ZZEF1: variants seen among roughly 807,000 people sequenced by gnomAD.
ZZEF1 encodes the protein zinc finger ZZ-type and EF-hand domain containing 1.
A neutral mutation model predicts 342.8 loss-of-function variants in ZZEF1; 157 were observed. The observed-to-expected ratio is 0.46, with a 90% CI of 0.40 to 0.52. The LOEUF (loss-of-function observed/expected upper bound fraction) is 0.52, where lower values mean the gene tolerates loss of function less well. Among genes scored for constraint, ZZEF1 ranks in the 20% least tolerant of loss-of-function variants. The pLI is 0.00. For synonymous variants in ZZEF1, 1,505 were observed against 1,429.1 expected, an observed-to-expected ratio of 1.05 and a Z score of -1.20; for missense variants, 3,480 against 3,725.6, an observed-to-expected ratio of 0.93 and a Z score of 1.72.
intron 33 of ZZEF1, among the ~76,000 whole-genome samples, 175 bp downstream of exon 33, chr17:4,056,041 C>T (rs1423076312): frequency 6.6e-6 from 1 of 152,234 alleles, no homozygotes; most frequent in Non-Finnish European, 1.5e-5. Flanking sequence ...CCTCGCTTGC[C>T]TGCTGCTCAC....
In ZZEF1 at chr17:4,014,355, T is replaced by C. The variant is rs751170773; in HGVS notation, c.8306A>G (p.Glu2769Gly). The C allele has an allele frequency of 6.2e-7, 1 of 1,614,180 alleles. No individual in the cohort carries two copies. The highest frequency in any genetic ancestry group is 1.7e-5 in the Admixed American group (1 of 60,004). The change falls in exon 50 of 55, where the codon GAA (glutamate) becomes GGA (glycine). Residue 2769 changes from glutamate to glycine, a missense_variant. Transcript: ENST00000381638. This position sits in a 1 kb window ranked among gnomAD's most constrained non-coding sequence, Gnocchi z 4.4. ...AGTATTTGTTTCACTACCTGGAAGT[T>C]CAAAATCTTTCCACTTCTGCTGAGA... ...SGSQQKWKDFELPGDTLYYRF... is the reference protein window; with the variant it reads ...SGSQQKWKDFGLPGDTLYYRF...
chr17:4,043,834 T>TCACTGTCAACACCCAC (rs1205853502), intron 38 of ZZEF1, among the ~76,000 whole-genome samples: 5 of 152,156 alleles, frequency 3.3e-5, no homozygotes, highest in Non-Finnish European at 7.4e-5. Flanking sequence ...GAGACACCAA[T>TCACTGTCAACACCCAC]CACTGTCAAC....
chr17:4,035,289 G>A (rs920554444), intron 39 of ZZEF1, among the ~76,000 whole-genome samples: 1 of 152,132 alleles, frequency 6.6e-6, no homozygotes, highest in Non-Finnish European at 1.5e-5. Flanking sequence ...TGACTCAAGA[G>A]GGCACTATAT....
At chr17:4,013,647 C>T (rs766527395) in intron 51 of ZZEF1, 33 bp from the exon 52 acceptor site, 4 of 1,583,914 alleles carry the variant, frequency 2.5e-6, no homozygotes, top group Middle Eastern at 3.4e-4. Context: ...GATATATAAA[C>T]AGAGATACGT....
chr17:4,088,957 G>T (rs928643146), intron 12 of ZZEF1, 64 bp from the exon 13 acceptor site: 6 of 1,512,930 alleles, frequency 4.0e-6, no homozygotes, highest in Non-Finnish European at 5.4e-6. Flanking sequence ...ATTAAAGAGG[G>T]AAAAAGGCCT....
chr17:4,024,194 T>TTTTTTG lies in ZZEF1; in HGVS notation c.7092+724_7092+725insCAAAAA, dbSNP rs1555578417. Among the ~76,000 whole-genome samples the TTTTTTG allele has an allele frequency of 9.6e-4, 126 of 131,274 alleles. 1 individual carries two copies. The highest frequency in any genetic ancestry group is 4.0e-3 in the African/African-American group (122 of 30,404). 86.1% of individuals were successfully genotyped at this position (131,274 alleles called of 152,430 possible). A position where few individuals can be genotyped will look rare whatever the true frequency, so the allele number is the denominator to read the frequency against. ...TGCCAAATATTGCCCAGGTTTTTTT[T>TTTTTTG]TTTTTTTTTTTTTTTTTTTTACAGA... On this transcript the variant is annotated intron_variant, in intron 43 of 54. Transcript: ENST00000381638.
chr17:4,022,807 G>A lies in ZZEF1; in HGVS notation c.7114C>T (p.Arg2372Cys), dbSNP rs149535137. The change falls in exon 44 of 55, where the codon CGT becomes TGT. Residue 2372 changes from arginine to cysteine, a missense_variant. Transcript: ENST00000381638. ...TLKAHGFEEI[R>C]ATFLQTDLLK... ...AAATCGGTCTGAAGGAAAGTAGCAC[G>A]GATCTCCTCAAAACCGTGAGCCTGC... 25 of 1,613,634 alleles carry A rather than the reference G, an allele frequency of 1.5e-5. No individual in the cohort carries two copies. The highest frequency in any genetic ancestry group is 1.1e-4 in the African/African-American group (8 of 74,786).
intron 39 of ZZEF1, among the ~76,000 whole-genome samples, chr17:4,035,335 A>T (rs1462844417): frequency 5.3e-5 from 8 of 152,242 alleles, no homozygotes; most frequent in Non-Finnish European, 1.0e-4. Context: ...AAGAACAAAA[A>T]GTTCTTGGAA....
At chr17:4,041,812 C>T (rs1313285545) in intron 39 of ZZEF1, among the ~76,000 whole-genome samples, 1 of 151,468 alleles carries the variant, frequency 6.6e-6, no homozygotes, top group Non-Finnish European at 1.5e-5. Context: ...TAAAAAAAGG[C>T]AAGGGAAGCA....
Position 4,050,911 on chromosome 17 carries a change from G to A in ZZEF1, c.5733C>T (p.Ala1911=), listed in dbSNP as rs1275542944. The A allele has an allele frequency of 6.2e-7, 1 of 1,614,208 alleles. No individual in the cohort carries two copies. ...LLFAALALYS[A]HLASAEDVDG... is the part of the protein sequence containing the mutation. ...CCACATCCTCTGCACTGGCCAGGTGGGCGCTATAGAGAGCCAGGGCAGCAA... is the reference window on the plus strand; with the variant it reads ...CCACATCCTCTGCACTGGCCAGGTGAGCGCTATAGAGAGCCAGGGCAGCAA... The change falls in exon 36 of 55, where the codon GCC becomes GCT. Residue 1911 remains alanine (A), a synonymous_variant. Coordinates refer to ENST00000381638, the MANE Select transcript of ZZEF1 (RefSeq NM_015113.4).
In ZZEF1 at chr17:4,116,956, C is replaced by A. The variant is rs375117810; in HGVS notation, c.694+16G>T. ...ATGATCAGAGTATTTTCAGGAGAAC[C>A]CCCACACACACATACCCTTTTCCTT... On this transcript the variant is annotated intron_variant, in intron 3 of 54. Transcript: ENST00000381638. 3 of 1,557,110 alleles carry A rather than the reference C, an allele frequency of 1.9e-6. No homozygotes were observed. Among genetic ancestry groups the A allele is most frequent in the East Asian group, 2.3e-5 (1 of 42,572 alleles).
intron 1 of ZZEF1, among the ~76,000 whole-genome samples, chr17:4,142,243 C>A (rs564643654): frequency 3.4e-4 from 21 of 62,610 alleles, no homozygotes; most frequent in African/African-American, 5.7e-4. Context: ...CCAAACTGTT[C>A]GAGAATCTGA....
intron 38 of ZZEF1, 133 bp downstream of exon 38, chr17:4,044,091 C>T (rs2145123417): frequency 1.1e-6 from 1 of 894,506 alleles, no homozygotes; most frequent in East Asian, 2.5e-5. Flanking sequence ...TCAGCACCAT[C>T]TGAACAGAAC....
At chr17:4,114,647 C>T (rs2058365517) in intron 3 of ZZEF1, among the ~76,000 whole-genome samples, 177 bp from the exon 4 acceptor site, 1 of 152,178 alleles carries the variant, frequency 6.6e-6, no homozygotes, top group South Asian at 2.1e-4. Context: ...TGGGTTTTCA[C>T]GCACATGTGT....
chr17:4,011,567 G>A (rs1020339162), intron 52 of ZZEF1, among the ~76,000 whole-genome samples: 1 of 151,762 alleles, frequency 6.6e-6, no homozygotes, highest in Non-Finnish European at 1.5e-5. Context: ...GTGTGTGTGT[G>A]TTTTTACTCA....
At position 4,042,469 on chromosome 17, in the gene ZZEF1, A is replaced by G. The variant is rs1286870373; in HGVS notation, c.6266T>C (p.Ile2089Thr). 6.2e-7 allele frequency: 1 copy of G among 1,613,632 alleles called. No individual in the cohort carries two copies. Among genetic ancestry groups the G allele is most frequent in the Non-Finnish European group, 8.5e-7 (1 of 1,179,918 alleles). ...QVFAECSQKRILGLLAAMLPP... is the reference protein window; with the variant it reads ...QVFAECSQKRTLGLLAAMLPP... ...TAACATGGCTGCTAGTAATCCCAAA[A>G]TCCTCTTCTGGGAACACTCAGCAAA... Residue 2089 changes from isoleucine (I) to threonine (T), a missense_variant, in exon 39 of 55, where the codon ATT becomes ACT. By Grantham distance (89) the Ile-to-Thr change is moderately conservative (BLOSUM62 -1). Coordinates refer to ENST00000381638, the MANE Select transcript of ZZEF1 (RefSeq NM_015113.4).
At chr17:4,033,023 T>G in intron 40 of ZZEF1, 21 bp from the exon 41 acceptor site, 2 of 1,549,554 alleles carry the variant, frequency 1.3e-6, no homozygotes, top group South Asian at 1.2e-5. Flanking sequence ...AGAGCTCCAT[T>G]AGGGGCAGTA....
chr17:4,083,970 AG>A (rs2057773014), intron 16 of ZZEF1, among the ~76,000 whole-genome samples: 1 of 152,230 alleles, frequency 6.6e-6, no homozygotes, highest in Non-Finnish European at 1.5e-5. Context: ...GACAATAAAA[AG>A]TAATCTATAA....
chr17:4,009,110 C>A (rs2055877325), intron 53 of ZZEF1, 156 bp from the exon 54 acceptor site: 12 of 935,504 alleles, frequency 1.3e-5, no homozygotes, highest in Admixed American at 8.4e-5. Context: ...TTGCTCAGAA[C>A]CCTGGCGGGA....
Sources: allele counts gnomAD v4.1 joint callset (sites outside exome capture counted in the v4.1 genomes callset), GRCh38; gene constraint gnomAD v4.1.1; non-coding constraint Gnocchi (gnomAD v3.1); transcripts MANE v1.5; gene names NCBI Gene and HGNC (gene_info 2026-07-23, HGNC 2026-07-21).